Variants in CTNNA3 observed in about 807,000 individuals in gnomAD.
The protein encoded by CTNNA3 is catenin alpha 3.
Under a neutral mutation model 95.7 loss-of-function variants are expected in CTNNA3, and 76 were observed. The ratio of observed to expected loss-of-function variants is 0.79; its 90% CI spans 0.66 to 0.96. The LOEUF is 0.96. CTNNA3 is among the 40% of genes least tolerant of loss of function. The probability of loss-of-function intolerance (pLI) is 0.00; values close to 1 mark genes in which losing one functional copy is unlikely to be tolerated. For synonymous variants in CTNNA3, 431 were observed against 374.4 expected, an observed-to-expected ratio of 1.15 and a Z score of -1.74; for missense variants, 1,191 against 1,089.8, an observed-to-expected ratio of 1.09 and a Z score of -1.31.
At chr10:67,607,720 C>T (rs1843327386) in intron 2 of CTNNA3, among the ~76,000 whole-genome samples, 1 of 152,164 alleles carries the variant, frequency 6.6e-6, no homozygotes, top group African/African-American at 2.4e-5. Flanking sequence ...GCACCAAGAA[C>T]AGCAACAGCA....
chr10:66,443,737 A>G (rs1467813014), intron 11 of CTNNA3, among the ~76,000 whole-genome samples: 1 of 152,074 alleles, frequency 6.6e-6, no homozygotes, highest in Non-Finnish European at 1.5e-5. Flanking sequence ...AACAGAGCAG[A>G]AAAACCAGAA....
At chr10:66,991,366 A>C (rs990303603) in intron 7 of CTNNA3, among the ~76,000 whole-genome samples, 1 of 152,214 alleles carries the variant, frequency 6.6e-6, no homozygotes, top group Non-Finnish European at 1.5e-5. Flanking sequence ...TTTTAAAATT[A>C]AAGGATATTT....
chr10:65,930,242 G>A (rs2077232015), intron 17 of CTNNA3, among the ~76,000 whole-genome samples: 1 of 148,900 alleles, frequency 6.7e-6, no homozygotes, highest in Non-Finnish European at 1.5e-5. Flanking sequence ...ACTACTGTAG[G>A]TGCTTCAAAC....
chr10:67,142,838 A>C (rs1292670589), intron 7 of CTNNA3, among the ~76,000 whole-genome samples: 1 of 152,098 alleles, frequency 6.6e-6, no homozygotes, highest in East Asian at 1.9e-4. Context: ...AGGCTGAGGC[A>C]GGGGAATCGC....
chr10:66,539,914 G>T (rs1841788460), intron 10 of CTNNA3, among the ~76,000 whole-genome samples: 1 of 151,992 alleles, frequency 6.6e-6, no homozygotes, highest in Non-Finnish European at 1.5e-5. Context: ...ACCTTAAAGG[G>T]ATAAAATTAC....
At chr10:67,436,405 G>A (rs1047361644) in intron 5 of CTNNA3, among the ~76,000 whole-genome samples, 3 of 152,108 alleles carry the variant, frequency 2.0e-5, no homozygotes, top group African/African-American at 7.2e-5. Context: ...TCTAGACATT[G>A]GCTTAGGCAA....
intron 1 of CTNNA3, among the ~76,000 whole-genome samples, chr10:67,692,084 C>T (rs754842714): frequency 1.9e-4 from 27 of 143,694 alleles, no homozygotes; most frequent in Non-Finnish European, 2.6e-4. Context: ...GTCAGCCCCC[C>T]GCCCGGCCAG....
intron 4 of CTNNA3, among the ~76,000 whole-genome samples, chr10:67,538,661 A>G (rs955247649): frequency 2.0e-5 from 3 of 152,128 alleles, no homozygotes; most frequent in African/African-American, 7.2e-5. Context: ...AGAGAAAATG[A>G]TTTTGACATG....
chr10:65,980,450 G>A (rs562090116), intron 16 of CTNNA3, among the ~76,000 whole-genome samples: 6 of 151,350 alleles, frequency 4.0e-5, no homozygotes, highest in African/African-American at 1.5e-4. Flanking sequence ...CCACAGGATA[G>A]AGAAAGAGGA....
chr10:67,668,053 C>T (rs1231440314), intron 1 of CTNNA3, among the ~76,000 whole-genome samples: 2 of 152,100 alleles, frequency 1.3e-5, no homozygotes, highest in Non-Finnish European at 2.9e-5. Flanking sequence ...TTCTACTTTA[C>T]TTTTCAGCTC....
At chr10:66,318,276 A>ATATATATATGTGTGTGTGTG (rs33943741) in intron 12 of CTNNA3, among the ~76,000 whole-genome samples, 1 of 136,602 alleles carries the variant, frequency 7.3e-6, no homozygotes, top group South Asian at 2.4e-4. Flanking sequence ...ATATATATAT[A>ATATATATATGTGTGTGTGTG]TGTGTGTGTG....
chr10:66,553,543 T>TC (rs1184388506), intron 10 of CTNNA3, among the ~76,000 whole-genome samples: 1 of 143,592 alleles, frequency 7.0e-6, no homozygotes, highest in Admixed American at 7.1e-5. Flanking sequence ...TTTTTTTTTT[T>TC]TGAGGCGGAG....
intron 13 of CTNNA3, among the ~76,000 whole-genome samples, chr10:66,123,471 C>CACAG (rs1196001764): frequency 6.6e-6 from 1 of 152,074 alleles, no homozygotes; most frequent in East Asian, 1.9e-4. Context: ...CTTTTCTAGG[C>CACAG]ACAGGGTGTA....
chr10:66,076,362 T>A (rs979098072), intron 14 of CTNNA3, among the ~76,000 whole-genome samples: 1 of 151,708 alleles, frequency 6.6e-6, no homozygotes, highest in African/African-American at 2.4e-5. Context: ...TAAGCAAGAT[T>A]TATGCATTGG....
At chr10:65,963,444 A>G (rs2077894481) in intron 17 of CTNNA3, among the ~76,000 whole-genome samples, 1 of 152,164 alleles carries the variant, frequency 6.6e-6, no homozygotes, top group African/African-American at 2.4e-5. Context: ...TCTACTTATT[A>G]ACCAAGGCCC....
intron 11 of CTNNA3, among the ~76,000 whole-genome samples, chr10:66,517,716 T>C (rs570554733): frequency 6.6e-6 from 1 of 152,216 alleles, no homozygotes; most frequent in East Asian, 1.9e-4. Context: ...ATAAACTTGC[T>C]TTCACTTTGC....
intron 7 of CTNNA3, among the ~76,000 whole-genome samples, chr10:66,959,804 G>C (rs886359573): frequency 3.3e-5 from 5 of 152,104 alleles, no homozygotes; most frequent in Non-Finnish European, 7.4e-5. Context: ...TCAGGAGTAA[G>C]AAACTTTGCT....
chr10:66,534,673 T>A (rs1841591966), intron 10 of CTNNA3, among the ~76,000 whole-genome samples: 1 of 149,944 alleles, frequency 6.7e-6, no homozygotes. Flanking sequence ...TCAGTCAAAT[T>A]GGTAATATAT....
chr10:66,094,461 A>C (rs2081319200), intron 14 of CTNNA3, among the ~76,000 whole-genome samples: 1 of 152,084 alleles, frequency 6.6e-6, no homozygotes. Context: ...GGACAATGGA[A>C]GTTTACAAAA....
Sources: gnomAD v4.1 joint callset for allele counts (sites outside exome capture counted in the v4.1 genomes callset) on GRCh38, gnomAD v4.1.1 for gene constraint, MANE v1.5 for transcripts, NCBI Gene and HGNC (gene_info 2026-07-23, HGNC 2026-07-21) for gene names.